Variants in DUSP16 observed in about 807,000 individuals in gnomAD.
The protein encoded by DUSP16 is dual specificity phosphatase 16.
DUSP16 carries 21 observed loss-of-function variants against 58.3 expected under a neutral mutation model. The observed-to-expected ratio is 0.36, with a 90% CI of 0.26 to 0.52. The LOEUF is 0.52. DUSP16 is among the 20% of genes least tolerant of loss of function. The pLI is 0.94. For synonymous variants in DUSP16, 320 were observed against 323.8 expected (o/e 0.99, Z 0.12); for missense variants, 726 against 819.0 (o/e 0.89, Z 1.39).
intron 1 of DUSP16, among the ~76,000 whole-genome samples, chr12:12,535,049 A>G (rs192351949): frequency 6.6e-6 from 1 of 152,352 alleles, no homozygotes; most frequent in African/African-American, 2.4e-5. Flanking sequence ...GAATTATTTT[A>G]TAATCTAGTG....
intron 1 of DUSP16, among the ~76,000 whole-genome samples, chr12:12,529,266 C>T (rs1333206591): frequency 6.6e-6 from 1 of 152,132 alleles, no homozygotes; most frequent in African/African-American, 2.4e-5. Context: ...CATGTGCCAC[C>T]ACACCTGGCT....
intron 1 of DUSP16, among the ~76,000 whole-genome samples, chr12:12,559,868 T>C (rs1027884587): frequency 2.0e-5 from 3 of 152,062 alleles, no homozygotes; most frequent in African/African-American, 7.2e-5. Flanking sequence ...CCCCCTCCCA[T>C]CTCAGCCTCA....
chr12:12,561,229 T>C (rs1430183918), intron 1 of DUSP16: 2 of 152,168 alleles, frequency 1.3e-5, no homozygotes, highest in African/African-American at 2.4e-5. Context: ...CCCCAGCTTA[T>C]TCATCACAGG....
intron 4 of DUSP16, among the ~76,000 whole-genome samples, chr12:12,497,208 C>T (rs1422726941): frequency 6.6e-6 from 1 of 152,104 alleles, no homozygotes; most frequent in Admixed American, 6.5e-5. Context: ...TAGTTTTGCC[C>T]ATTTCTTTAC....
At chr12:12,484,454 C>T (rs2136194150) in intron 5 of DUSP16, among the ~76,000 whole-genome samples, 1 of 152,176 alleles carries the variant, frequency 6.6e-6, no homozygotes, top group South Asian at 2.1e-4. Flanking sequence ...ATTCTCTATT[C>T]TCTTCTCTTT....
At chr12:12,546,415 C>G (rs1944641853) in intron 1 of DUSP16, among the ~76,000 whole-genome samples, 1 of 152,118 alleles carries the variant, frequency 6.6e-6, no homozygotes, top group African/African-American at 2.4e-5. Context: ...ACTGTATAAC[C>G]AAAGTTAAGA....
At chr12:12,558,649 G>C (rs1944847380) in intron 1 of DUSP16, among the ~76,000 whole-genome samples, 1 of 152,090 alleles carries the variant, frequency 6.6e-6, no homozygotes, top group Non-Finnish European at 1.5e-5. Context: ...TAAAGTGCTG[G>C]GATTATAGGA....
Position 12,500,581 on chromosome 12 carries a change from T to C in DUSP16, c.469A>G (p.Ile157Val). 1.2e-6 allele frequency: 2 copies of C among 1,612,470 alleles called. No homozygotes were observed. Among genetic ancestry groups the C allele is most frequent in the Non-Finnish European group, 1.7e-6 (2 of 1,179,362 alleles). The stretch of plus-strand genomic sequence containing the variant: ...TTGGGAAGAATTCGGGTTGGCCCAA[T>C]GTTGGCAACAGGTAAGCAAGGCTGA... ...ISQPCLPVAN[I>V]GPTRILPNLY... Residue 157 changes from isoleucine to valine, a missense_variant, in exon 4 of 7, where the codon ATT becomes GTT. Transcript: ENST00000298573.
chr12:12,480,440 A>C, intron 5 of DUSP16, 94 bp from the exon 6 acceptor site: 2 of 1,457,736 alleles, frequency 1.4e-6, no homozygotes, highest in Non-Finnish European at 1.9e-6. Context: ...CTTCCACCTG[A>C]AAACCTCTAC....
At position 12,519,942 on chromosome 12, in the gene DUSP16, G is replaced by A. The variant is rs1165438970; in HGVS notation, c.287C>T (p.Ala96Val). Residue 96 changes from alanine (A) to valine (V), a missense_variant, in exon 3 of 7, where the codon GCC (alanine) becomes GTC (valine). By Grantham distance (64) the Ala-to-Val change is moderately conservative. Transcript: ENST00000298573. ...VVYDQSSQDV[A>V]SLSSDCFLTV... ...GAGAAAACAGTCTGAAGAGAGAGAG[G>A]CAACATCTTGGGAGCTTTGATCGTA... 1 of 1,613,958 alleles carries A rather than the reference G, an allele frequency of 6.2e-7. No homozygotes were observed. Among genetic ancestry groups the A allele is most frequent in the Non-Finnish European group, 8.5e-7 (1 of 1,179,902 alleles).
intron 4 of DUSP16, among the ~76,000 whole-genome samples, chr12:12,491,737 T>C (rs1383723153): frequency 6.6e-6 from 1 of 152,194 alleles, no homozygotes; most frequent in Non-Finnish European, 1.5e-5. Flanking sequence ...GAACTCCTCA[T>C]CTTGGCCTCT....
At chr12:12,527,794 G>A (rs1394205266) in intron 1 of DUSP16, among the ~76,000 whole-genome samples, 1 of 152,090 alleles carries the variant, frequency 6.6e-6, no homozygotes, top group Non-Finnish European at 1.5e-5. Flanking sequence ...TACTAGACCT[G>A]GAGACAGCAG....
chr12:12,486,206 A>G (rs1457175847), intron 5 of DUSP16, among the ~76,000 whole-genome samples: 1 of 152,164 alleles, frequency 6.6e-6, no homozygotes, highest in Admixed American at 6.5e-5. Context: ...GGGAAAAAAA[A>G]TTCCTTACAT....
chr12:12,489,265 T>C (rs1308383541), intron 4 of DUSP16, among the ~76,000 whole-genome samples: 1 of 152,230 alleles, frequency 6.6e-6, no homozygotes, highest in African/African-American at 2.4e-5. Flanking sequence ...TCTGTTAGGT[T>C]AACAATCAGG....
chr12:12,530,801 G>A (rs1227681304), intron 1 of DUSP16, among the ~76,000 whole-genome samples: 2 of 152,128 alleles, frequency 1.3e-5, no homozygotes, highest in Non-Finnish European at 2.9e-5. Flanking sequence ...AACATGGAAT[G>A]TAGTAAAATA....
At chr12:12,478,463 G>C (rs1256071801) in intron 6 of DUSP16, among the ~76,000 whole-genome samples, 1 of 152,094 alleles carries the variant, frequency 6.6e-6, no homozygotes, top group Non-Finnish European at 1.5e-5. Flanking sequence ...CTCCTGAGTA[G>C]CTGGGATTAC....
intron 3 of DUSP16, among the ~76,000 whole-genome samples, chr12:12,511,179 G>C (rs760788745): frequency 6.6e-6 from 1 of 152,192 alleles, no homozygotes; most frequent in East Asian, 1.9e-4. Context: ...CATGTGAACA[G>C]ATCAGTTAAG....
chr12:12,557,495 C>T (rs940109750), intron 1 of DUSP16, among the ~76,000 whole-genome samples: 1 of 151,602 alleles, frequency 6.6e-6, no homozygotes, highest in Non-Finnish European at 1.5e-5. Context: ...CATGCTTTGA[C>T]CTAAAAAAAA....
At chr12:12,497,864 G>T (rs949938181) in intron 4 of DUSP16, among the ~76,000 whole-genome samples, 1 of 152,012 alleles carries the variant, frequency 6.6e-6, no homozygotes, top group Non-Finnish European at 1.5e-5. Flanking sequence ...CAGCTACTCG[G>T]GAGGCTGAGG....
Sources: gnomAD v4.1 joint callset for allele counts (sites outside exome capture counted in the v4.1 genomes callset) on GRCh38, gnomAD v4.1.1 for gene constraint, MANE v1.5 for transcripts, NCBI Gene and HGNC (gene_info 2026-07-23, HGNC 2026-07-21) for gene names.